Variants in STAB2 observed in about 807,000 individuals in gnomAD.
The protein encoded by STAB2 is stabilin-2.
A neutral mutation model predicts 338.1 loss-of-function variants in STAB2; 288 were observed. The observed-to-expected ratio is 0.85, with a 90% confidence interval of 0.77 to 0.94. STAB2 has a LOEUF of 0.94. Among genes scored for constraint, STAB2 ranks in the 40% least tolerant of loss-of-function variants. The pLI, the probability that STAB2 is intolerant of heterozygous loss-of-function variation, is 0.00. For synonymous variants in STAB2, 1,202 were observed against 1,193.3 expected, an observed-to-expected ratio of 1.01 and a Z score of -0.15; for missense variants, 3,141 against 3,210.1, an observed-to-expected ratio of 0.98 and a Z score of 0.52.
chr12:103,653,656 CTGGA>C (rs59352583), intron 12 of STAB2, among the ~76,000 whole-genome samples: 6 of 73,740 alleles, frequency 8.1e-5, no homozygotes, highest in African/African-American at 2.3e-4. Flanking sequence ...GGATAGGTCA[CTGGA>C]TGGATGGATG....
chr12:103,635,513 T>C (rs1254702197), intron 6 of STAB2, among the ~76,000 whole-genome samples: 1 of 152,218 alleles, frequency 6.6e-6, no homozygotes, highest in Non-Finnish European at 1.5e-5. Context: ...CACTGCACAC[T>C]GTCCAGTGCT....
intron 13 of STAB2, 115 bp from the exon 14 acceptor site, chr12:103,655,136 A>G: frequency 2.0e-6 from 2 of 1,000,732 alleles, no homozygotes; most frequent in Non-Finnish European, 3.0e-6. Flanking sequence ...AGGTTCATTT[A>G]TATAAATCCA....
intron 66 of STAB2, among the ~76,000 whole-genome samples, chr12:103,761,800 T>C (rs1202775612): frequency 1.3e-5 from 2 of 152,110 alleles, no homozygotes; most frequent in Non-Finnish European, 2.9e-5. Flanking sequence ...TTGGGAAGGA[T>C]TGTAAGTTAG....
At chr12:103,602,425 C>T (rs902331748) in intron 3 of STAB2, among the ~76,000 whole-genome samples, 1 of 152,204 alleles carries the variant, frequency 6.6e-6, no homozygotes, top group Non-Finnish European at 1.5e-5. Context: ...AAAGCCACCA[C>T]GGACAATCAC....
chr12:103,588,804 A>C (rs1294276025), intron 1 of STAB2, among the ~76,000 whole-genome samples: 2 of 152,222 alleles, frequency 1.3e-5, no homozygotes. Flanking sequence ...AAAAATGTGA[A>C]GGTGTCCTGA....
chr12:103,752,931 T>G (rs1883793398), intron 60 of STAB2, among the ~76,000 whole-genome samples: 1 of 152,210 alleles, frequency 6.6e-6, no homozygotes, highest in South Asian at 2.1e-4. Flanking sequence ...ACCAAAATGT[T>G]AGCCATGGAG....
intron 52 of STAB2, 24 bp downstream of exon 52, chr12:103,735,604 G>C: frequency 3.1e-6 from 3 of 967,614 alleles, no homozygotes; most frequent in African/African-American, 1.6e-5. Context: ...TGAAGGGTGG[G>C]CAGGGAGGGG....
intron 12 of STAB2, among the ~76,000 whole-genome samples, chr12:103,654,039 G>A (rs1873992281): frequency 6.6e-6 from 1 of 152,334 alleles, no homozygotes; most frequent in Admixed American, 6.5e-5. Context: ...ATGGATGGAT[G>A]AATGACAGAT....
intron 37 of STAB2, among the ~76,000 whole-genome samples, chr12:103,706,228 G>C (rs985861584): frequency 1.3e-5 from 2 of 152,058 alleles, no homozygotes; most frequent in African/African-American, 4.8e-5. Context: ...GGGGTGATCT[G>C]GCCCTTAGGC....
intron 56 of STAB2, 132 bp downstream of exon 56, chr12:103,742,686 GC>G: frequency 7.1e-7 from 1 of 1,411,616 alleles, no homozygotes; most frequent in Non-Finnish European, 9.6e-7. Context: ...CAATCTGCCT[GC>G]CCTATGTGTT....
intron 56 of STAB2, among the ~76,000 whole-genome samples, chr12:103,744,824 A>C (rs554867996): frequency 7.1e-4 from 108 of 152,208 alleles, no homozygotes; most frequent in Non-Finnish European, 1.1e-3. Flanking sequence ...AGATGAGATG[A>C]TCTCCCTAAA....
At chr12:103,728,618 A>G (rs1881395343) in intron 47 of STAB2, among the ~76,000 whole-genome samples, 1 of 152,240 alleles carries the variant, frequency 6.6e-6, no homozygotes, top group Non-Finnish European at 1.5e-5. Flanking sequence ...GAGGAACCCC[A>G]TGTTCCTTCC....
chr12:103,647,128 G>A (rs1873396668), intron 9 of STAB2, among the ~76,000 whole-genome samples: 1 of 152,188 alleles, frequency 6.6e-6, no homozygotes, highest in African/African-American at 2.4e-5. Flanking sequence ...AAGCACACAG[G>A]TGCCAGAATT....
intron 2 of STAB2, among the ~76,000 whole-genome samples, chr12:103,594,135 A>G (rs984365305): frequency 6.6e-6 from 1 of 152,216 alleles, no homozygotes; most frequent in African/African-American, 2.4e-5. Flanking sequence ...TATTTATTTC[A>G]TCTACTAACT....
At chr12:103,614,707 C>A (rs1237118819) in intron 3 of STAB2, among the ~76,000 whole-genome samples, 2 of 152,202 alleles carry the variant, frequency 1.3e-5, no homozygotes, top group African/African-American at 4.8e-5. Flanking sequence ...AGCTGATACA[C>A]CACACAACCA....
chr12:103,749,019 C>T lies in STAB2; in HGVS notation c.6301C>T (p.Gln2101Ter). The change falls in exon 59 of 69, where the codon CAG becomes TAG. Residue 2101 changes from glutamine to a stop codon, truncating the protein, a stop_gained. Transcript: ENST00000388887. LOFTEE classifies it high-confidence loss of function. ...CTGTGCAAAGGTGGCCAGATGCTCCCAGAAGGGCACGAAGGTCTCCTGCAG... is the reference window on the plus strand; with the variant it reads ...CTGTGCAAAGGTGGCCAGATGCTCCTAGAAGGGCACGAAGGTCTCCTGCAG... ...GGCAKVARCS[Q>*]KGTKVSCSCQ... is the part of the protein sequence containing the mutation. The T allele has an allele frequency of 6.2e-7, 1 of 1,614,116 alleles. No individual in the cohort carries two copies. The highest frequency in any genetic ancestry group is 8.5e-7 in the Non-Finnish European group (1 of 1,180,012).
chr12:103,718,965 G>GT (rs1299484899), intron 44 of STAB2, among the ~76,000 whole-genome samples: 1 of 152,150 alleles, frequency 6.6e-6, no homozygotes, highest in Non-Finnish European at 1.5e-5. Context: ...TCTTGTCTCC[G>GT]TTTGCATGTC....
chr12:103,669,143 A>G (rs1875466306), intron 20 of STAB2: 1 of 263,878 alleles, frequency 3.8e-6, no homozygotes, highest in South Asian at 6.9e-5. Context: ...TGGCCTCCCT[A>G]GTACCCACCT....
chr12:103,740,879 A>C (rs1243466546), intron 55 of STAB2, 123 bp downstream of exon 55: 2 of 1,347,294 alleles, frequency 1.5e-6, no homozygotes, highest in Non-Finnish European at 2.0e-6. Context: ...AATGATTCCC[A>C]GACCCCAGAA....
Sources: gnomAD v4.1 joint callset for allele counts (sites outside exome capture counted in the v4.1 genomes callset) on GRCh38, gnomAD v4.1.1 for gene constraint, MANE v1.5 for transcripts, NCBI Gene and HGNC (gene_info 2026-07-23, HGNC 2026-07-21) for gene names.